Variants in ASTE1 observed in about 807,000 individuals in gnomAD.
ASTE1 encodes the protein asteroid structure-specific endonuclease 1.
ASTE1 carries 49 observed loss-of-function variants against 45.8 expected under a neutral mutation model. That is an observed-to-expected ratio of 1.07 (90% CI 0.85 to 1.36). The LOEUF is 1.36. Ranked by LOEUF, ASTE1 falls within the 40% of genes most tolerant of loss-of-function variation. The pLI is 0.00. For synonymous variants in ASTE1, 296 were observed against 303.9 expected (o/e 0.97, Z 0.27); for missense variants, 709 against 804.0 (o/e 0.88, Z 1.43).
rs1285678309 is a variant in ASTE1, at chr3:131,026,768, G to C, written c.-408C>G. 6.6e-6 allele frequency: 1 copy of C among 152,344 alleles called. No individual in the cohort carries two copies. The highest frequency in any genetic ancestry group is 1.9e-4 in the East Asian group (1 of 5,194). The allele number at this position is 152,344 out of a possible 1,614,324, so 9.4% of individuals were successfully genotyped here. On this transcript the variant is annotated 5_prime_UTR_variant, in exon 1 of 6. Transcript: ENST00000264992. ...GCTGCTGTCAGGCTAGGAAAGCTTG[G>C]CCCGCCGGTCCTCCTCTGCTTTCTC...
intron 5 of ASTE1, chr3:131,015,260 C>CA: frequency 2.9e-6 from 2 of 700,136 alleles, no homozygotes; most frequent in Non-Finnish European, 5.2e-6. Flanking sequence ...ACTGGGGCTG[C>CA]AACAGCAAAT....
At position 131,017,925 on chromosome 3, in the gene ASTE1, G is replaced by C. The variant is rs1338451382; in HGVS notation, c.1513+581C>G. ...GCAGAGGCTGCAGTGAGCCAAGATT[G>C]CACCACTGCACTCCAGCCTAGGCAA... is the stretch of plus-strand genomic sequence containing the variant. On this transcript the variant is annotated intron_variant, in intron 4 of 5. Transcript: ENST00000264992. 9.9e-5 allele frequency among the ~76,000 whole-genome samples: 12 copies of C among 120,738 alleles called. No homozygotes were observed. In the Admixed American group the frequency reaches 1.4e-3, roughly 14 times the overall value. 79.2% of individuals were successfully genotyped at this position (120,738 alleles called of 152,430 possible). A position where few individuals can be genotyped will look rare whatever the true frequency, so the allele number is the denominator to read the frequency against.
Position 131,024,359 on chromosome 3 carries a change from G to A in ASTE1, c.948C>T (p.Val316=). The A allele has an allele frequency of 1.2e-6, 2 of 1,614,264 alleles. No individual in the cohort carries two copies. Among genetic ancestry groups the A allele is most frequent in the Non-Finnish European group, 1.7e-6 (2 of 1,180,050 alleles). Residue 316 remains valine (V), a synonymous_variant, in exon 3 of 6, where the codon GTC becomes GTT. Transcript: ENST00000264992. ...AACCAAGATTCAAGGCATCTGGACA[G>A]ACATAAGTACCACACTGGAAGAAGT... ...LQDFFQCGTY[V]CPDALNLGLP...
chr3:131,025,312 C>G lies in ASTE1; in HGVS notation c.-6G>C. The G allele has an allele frequency of 6.2e-7, 1 of 1,604,820 alleles. No individual in the cohort carries two copies. Among genetic ancestry groups the G allele is most frequent in the African/African-American group, 1.3e-5 (1 of 74,596 alleles). ...ATTAGTCCTCGGATACCCATGATGA[C>G]AGTCTAAAGAATTAATCGCCTGTTT... is the stretch of plus-strand genomic sequence containing the variant. On this transcript the variant is annotated 5_prime_UTR_variant, in exon 3 of 6. Coordinates refer to ENST00000264992, the MANE Select transcript of ASTE1 (RefSeq NM_014065.4).
rs1242312034 is a variant in ASTE1 at position 131,025,065 on chromosome 3, C to T, written c.242G>A (p.Gly81Glu). The T allele has an allele frequency of 6.2e-7, 1 of 1,609,770 alleles. No individual in the cohort carries two copies. Among genetic ancestry groups the T allele is most frequent in the Non-Finnish European group, 8.5e-7 (1 of 1,177,506 alleles). The change falls in exon 3 of 6, where the codon GGA (glycine) becomes GAA (glutamate). Residue 81 changes from glycine (G) to glutamate (E), a missense_variant. Coordinates refer to ENST00000264992, the MANE Select transcript of ASTE1 (RefSeq NM_014065.4). ...NICPYVVLDGGCDISDKKLTT... is the reference protein window; with the variant it reads ...NICPYVVLDGECDISDKKLTT... ...AAGCTTTTTATCTGAAATGTCACATCCTCCATCTAATACAACATATGGGCA... is the reference window on the plus strand; with the variant it reads ...AAGCTTTTTATCTGAAATGTCACATTCTCCATCTAATACAACATATGGGCA...
intron 3 of ASTE1, among the ~76,000 whole-genome samples, chr3:131,023,101 A>C (rs923479329): frequency 3.9e-5 from 6 of 152,132 alleles, no homozygotes; most frequent in African/African-American, 1.4e-4. Context: ...GTGTAGACTG[A>C]TAACAGTGCT....
chr3:131,023,455 G>A (rs1161055124), intron 3 of ASTE1, among the ~76,000 whole-genome samples: 1 of 152,102 alleles, frequency 6.6e-6, no homozygotes, highest in Non-Finnish European at 1.5e-5. Context: ...GCAACACTAA[G>A]TTAGACTAAG....
In ASTE1 at chr3:131,025,532, G is replaced by T; in HGVS notation, c.-84C>A. On this transcript the variant is annotated 5_prime_UTR_variant, in exon 2 of 6. Transcript: ENST00000264992. The stretch of plus-strand genomic sequence containing the variant: ...CATTCTCCTTTGCTTTCTGATACAA[G>T]GCACAAATTCAATGGTTTCATGGGT... 1.5e-6 allele frequency: 1 copy of T among 665,992 alleles called. No individual in the cohort carries two copies. The highest frequency in any genetic ancestry group is 2.3e-6 in the Non-Finnish European group (1 of 436,912). 41.3% of individuals were successfully genotyped at this position (665,992 alleles called of 1,614,324 possible).
chr3:131,016,905 G>A (rs2063651751), intron 4 of ASTE1: 2 of 926,170 alleles, frequency 2.2e-6, no homozygotes, highest in Non-Finnish European at 3.0e-6. Flanking sequence ...TGTGTTTTTA[G>A]CTGTAAGTTT....
At chr3:131,016,894 G>C (rs1233802600) in intron 4 of ASTE1, 1 of 810,164 alleles carries the variant, frequency 1.2e-6, no homozygotes, top group Non-Finnish European at 1.7e-6. Context: ...AAGGAATGTT[G>C]TGTGTTTTTA....
At chr3:131,022,713 C>G (rs2063760107) in intron 3 of ASTE1, among the ~76,000 whole-genome samples, 1 of 152,158 alleles carries the variant, frequency 6.6e-6, no homozygotes, top group South Asian at 2.1e-4. Flanking sequence ...TTAACAGTCA[C>G]TCGCCAATGC....
rs1305548419 is a variant in ASTE1 at position 131,014,262 on chromosome 3, C to T, written c.1835G>A (p.Arg612Lys). The change falls in exon 6 of 6, where the codon AGG (arginine) becomes AAG (lysine). Residue 612 changes from arginine (R) to lysine (K), a missense_variant. Physicochemically the swap from Arg to Lys is conservative, Grantham distance 26. Transcript: ENST00000264992. The stretch of plus-strand genomic sequence containing the variant: ...GAATATTTCAGCGGGGGCATATGAC[C>T]TTGTGGCATTGAATAGATATTCATA... ...QLYEYLFNAT[R>K]SYAPAEIFLP... The T allele has an allele frequency of 2.5e-6, 4 of 1,613,900 alleles. No individual in the cohort carries two copies. In the East Asian group the frequency reaches 6.7e-5, roughly 27 times the overall value.
At chr3:131,015,286 C>G (rs1373203929) in intron 5 of ASTE1, 5 of 693,308 alleles carry the variant, frequency 7.2e-6, no homozygotes, top group Non-Finnish European at 1.3e-5. Context: ...AGACAAGCCC[C>G]TCCCCCCACA....
intron 4 of ASTE1, among the ~76,000 whole-genome samples, chr3:131,018,159 A>G (rs2063688983): frequency 6.6e-6 from 1 of 152,128 alleles, no homozygotes; most frequent in Non-Finnish European, 1.5e-5. Context: ...TGCTGTGCTA[A>G]TAACTGGATA....
chr3:131,017,057 A>G, intron 4 of ASTE1: 3 of 1,289,350 alleles, frequency 2.3e-6, no homozygotes, highest in Non-Finnish European at 3.0e-6. Context: ...TTCCTAAAAG[A>G]AAAGAAACAG....
intron 1 of ASTE1, among the ~76,000 whole-genome samples, chr3:131,025,916 A>C (rs1219387173): frequency 6.6e-6 from 1 of 152,120 alleles, no homozygotes; most frequent in Non-Finnish European, 1.5e-5. Context: ...TATAAGGAAA[A>C]CTGCTTCATG....
chr3:131,015,227 T>G (rs2063549034), intron 5 of ASTE1: 1 of 702,244 alleles, frequency 1.4e-6, no homozygotes, highest in African/African-American at 1.7e-5. Flanking sequence ...CGTCCATATA[T>G]CCTCATTCAA....
chr3:131,017,151 A>T (rs2109083275), intron 4 of ASTE1: 1 of 737,434 alleles, frequency 1.4e-6, no homozygotes, highest in South Asian at 1.6e-5. Flanking sequence ...TGTATTTATT[A>T]TTCAATCAGA....
At position 131,024,362 on chromosome 3, in the gene ASTE1, A is replaced by G. The variant is rs149777056; in HGVS notation, c.945T>C (p.Tyr315=). The G allele has an allele frequency of 2.5e-5, 41 of 1,614,268 alleles. No homozygotes were observed. The African/African-American group carries it at 4.9e-4, about 19-fold the overall frequency. ...KLQDFFQCGT[Y]VCPDALNLGL... is the part of the protein sequence containing the mutation. ...CAAGATTCAAGGCATCTGGACAGAC[A>G]TAAGTACCACACTGGAAGAAGTCCT... The change falls in exon 3 of 6, where the codon TAT becomes TAC. Residue 315 remains tyrosine, a synonymous_variant. Coordinates refer to ENST00000264992, the MANE Select transcript of ASTE1 (RefSeq NM_014065.4).
Sources: gnomAD v4.1 joint callset for allele counts (sites outside exome capture counted in the v4.1 genomes callset) on GRCh38, gnomAD v4.1.1 for gene constraint, MANE v1.5 for transcripts, NCBI Gene and HGNC (gene_info 2026-07-23, HGNC 2026-07-21) for gene names.